Variants in DCC observed in about 807,000 individuals in gnomAD.
DCC encodes DCC netrin 1 receptor, also known as netrin receptor DCC.
A neutral mutation model predicts 172.5 loss-of-function variants in DCC; 58 were observed. That is an observed-to-expected ratio of 0.34 (90% confidence interval 0.27 to 0.42). The LOEUF (loss-of-function observed/expected upper bound fraction) is 0.42. DCC is among the 10% of genes least tolerant of loss of function. The probability of loss-of-function intolerance (pLI) is 1.00; values close to 1 mark genes in which losing one functional copy is unlikely to be tolerated. For missense variants in DCC, 1,740 were observed against 1,791.0 expected, an observed-to-expected ratio of 0.97 and a Z score of 0.51; for synonymous variants, 709 against 644.5, an observed-to-expected ratio of 1.10 and a Z score of -1.52.
At chr18:52,588,038 G>A (rs1255890246) in intron 1 of DCC, among the ~76,000 whole-genome samples, 1 of 152,168 alleles carries the variant, frequency 6.6e-6, no homozygotes, top group East Asian at 1.9e-4. Context: ...GGGTCAGAAA[G>A]CACCCAGTTC....
chr18:52,511,674 T>C (rs925937188), intron 1 of DCC, among the ~76,000 whole-genome samples: 2 of 152,142 alleles, frequency 1.3e-5, no homozygotes, highest in Admixed American at 1.3e-4. Flanking sequence ...TGTCAATAGC[T>C]CCAAGGCTGG....
At chr18:52,931,030 AT>A (rs11355546) in intron 5 of DCC, among the ~76,000 whole-genome samples, 55,123 of 151,498 alleles carry the variant, frequency 0.36, 10,542 homozygotes, top group South Asian at 0.52. Context: ...TTTTTAAGGG[AT>A]TTTTTTTGGT....
At position 53,431,639 on chromosome 18, in the gene DCC, C is replaced by T. The variant is rs957900416; in HGVS notation, c.3164-3505C>T. ...AGCTGGGACTACAGGCATGCGCCAC[C>T]GTGCTCTGCTAATTTTCGTATTTTT... On this transcript the variant is annotated intron_variant, in intron 21 of 28. Transcript: ENST00000442544. Among the ~76,000 whole-genome samples, 7 of 152,124 alleles carry T rather than the reference C, an allele frequency of 4.6e-5. No homozygotes were observed. The South Asian group carries it at 1.0e-3, about 23-fold the overall frequency.
chr18:52,983,240 G>A (rs962786666), intron 5 of DCC, among the ~76,000 whole-genome samples: 2 of 152,136 alleles, frequency 1.3e-5, no homozygotes, highest in Admixed American at 1.3e-4. Context: ...AGCAACATTA[G>A]GAGTTAACCA....
chr18:52,655,680 C>G (rs945830740), intron 1 of DCC, among the ~76,000 whole-genome samples: 2 of 151,902 alleles, frequency 1.3e-5, no homozygotes, highest in East Asian at 3.9e-4. Context: ...AGGACATAGG[C>G]AGTTGTATTA....
intron 7 of DCC, among the ~76,000 whole-genome samples, chr18:53,091,012 G>A (rs1313504055): frequency 1.3e-5 from 2 of 151,890 alleles, no homozygotes; most frequent in African/African-American, 4.8e-5. Context: ...AGTTGGTGCA[G>A]AATTCCAGCA....
intron 1 of DCC, among the ~76,000 whole-genome samples, chr18:52,564,513 C>T (rs1384050331): frequency 6.6e-6 from 1 of 151,986 alleles, no homozygotes; most frequent in African/African-American, 2.4e-5. Flanking sequence ...GACATTTTGA[C>T]AAATTACATG....
At chr18:53,472,909 C>A (rs111574195) in intron 25 of DCC, among the ~76,000 whole-genome samples, 4 of 152,324 alleles carry the variant, frequency 2.6e-5, no homozygotes, top group Admixed American at 6.5e-5. Flanking sequence ...ATCTAGATTT[C>A]TGTTACTCTA....
At chr18:52,591,358 A>G (rs1299755859) in intron 1 of DCC, among the ~76,000 whole-genome samples, 1 of 152,174 alleles carries the variant, frequency 6.6e-6, no homozygotes, top group Non-Finnish European at 1.5e-5. Context: ...TAAATTAAAC[A>G]ATGTCATTTT....
rs185536751 is a variant in DCC, at chr18:52,863,836, T to C, written c.413-42208T>C. Among the ~76,000 whole-genome samples the C allele has an allele frequency of 2.1e-3, 325 of 152,074 alleles. 2 individuals carry two copies. Among genetic ancestry groups the C allele is most frequent in the African/African-American group, 7.4e-3 (308 of 41,556 alleles). The stretch of plus-strand genomic sequence containing the variant: ...TTTGTATTACTGTCTGTTAGGCAAG[T>C]ATCATAAAAGCAAGGACCTTAAAGG... On this transcript the variant is annotated intron_variant, in intron 2 of 28. Coordinates refer to ENST00000442544, the MANE Select transcript of DCC (RefSeq NM_005215.4).
At chr18:52,849,061 CTTTTA>C (rs2038936305) in intron 2 of DCC, among the ~76,000 whole-genome samples, 2 of 151,924 alleles carry the variant, frequency 1.3e-5, no homozygotes, top group South Asian at 4.2e-4. Flanking sequence ...TGCTGAATTC[CTTTTA>C]TATTTTGCAA....
chr18:52,842,417 C>A (rs1258977556), intron 2 of DCC, among the ~76,000 whole-genome samples: 3 of 152,064 alleles, frequency 2.0e-5, no homozygotes, highest in African/African-American at 7.2e-5. Context: ...ATTGATGTAC[C>A]AACTTGTCAG....
chr18:53,191,295 A>T (rs1378541166), intron 9 of DCC, among the ~76,000 whole-genome samples: 1 of 152,210 alleles, frequency 6.6e-6, no homozygotes, highest in African/African-American at 2.4e-5. Context: ...TTTAAGAGCA[A>T]AAACAATATA....
chr18:52,754,779 G>A (rs750419368), intron 2 of DCC, among the ~76,000 whole-genome samples: 12 of 152,208 alleles, frequency 7.9e-5, no homozygotes, highest in South Asian at 4.1e-4. Flanking sequence ...GCACTTGAAA[G>A]TCCCATATCC....
intron 1 of DCC, among the ~76,000 whole-genome samples, chr18:52,458,399 G>T (rs144031155): frequency 1.6e-3 from 243 of 152,258 alleles, no homozygotes; most frequent in African/African-American, 5.7e-3. Flanking sequence ...ACTGGGTGCA[G>T]TACTCTATGT....
chr18:53,187,920 CT>C (rs1468244631), intron 9 of DCC, among the ~76,000 whole-genome samples: 1 of 152,070 alleles, frequency 6.6e-6, no homozygotes, highest in East Asian at 1.9e-4. Flanking sequence ...CTAATTGTAG[CT>C]GTTAAAGTCA....
At chr18:52,941,311 A>G (rs1361968595) in intron 5 of DCC, 1 of 152,202 alleles carries the variant, frequency 6.6e-6, no homozygotes, top group Non-Finnish European at 1.5e-5. Context: ...ATGAGATTCC[A>G]AATGGTTTAT....
At chr18:52,892,371 C>G (rs555550223) in intron 2 of DCC, 1 of 152,116 alleles carries the variant, frequency 6.6e-6, no homozygotes, top group Non-Finnish European at 1.5e-5. Context: ...ATATATCTGA[C>G]TTCCCAGGTG....
intron 1 of DCC, among the ~76,000 whole-genome samples, chr18:52,652,795 ATCC>A (rs1167936315): frequency 2.7e-5 from 4 of 149,702 alleles, no homozygotes; most frequent in Non-Finnish European, 5.9e-5. Context: ...TGGTGGGAAA[ATCC>A]TCATCAGTTT....
Sources: gnomAD v4.1 joint callset for allele counts (sites outside exome capture counted in the v4.1 genomes callset) on GRCh38, gnomAD v4.1.1 for gene constraint, MANE v1.5 for transcripts, NCBI Gene and HGNC (gene_info 2026-07-23, HGNC 2026-07-21) for gene names.